Variants in POPDC1 observed in about 807,000 individuals in gnomAD.
The protein encoded by POPDC1 is popeye domain-containing protein 1.
At chr6:105,114,835 T>C in the POPDC1 span, among the ~76,000 whole-genome samples, 2 of 152,214 alleles carry the variant, frequency 1.3e-5, no homozygotes, top group Non-Finnish European at 2.9e-5. Context: ...ACAAGGGTGT[T>C]GAGTGATCTC....
the POPDC1 span, among the ~76,000 whole-genome samples, chr6:105,109,880 A>G: frequency 2.6e-5 from 4 of 151,306 alleles, no homozygotes; most frequent in African/African-American, 9.7e-5. Context: ...GACTAAAATT[A>G]GCTTGGAGGG....
At chr6:105,100,587 T>C in the POPDC1 span, 3 of 148,958 alleles carry the variant, frequency 2.0e-5, no homozygotes, top group East Asian at 5.9e-4. Flanking sequence ...TGTATGTGTG[T>C]GTGTGTGTGT....
At chr6:105,105,639 A>G in the POPDC1 span, among the ~76,000 whole-genome samples, 2 of 152,242 alleles carry the variant, frequency 1.3e-5, no homozygotes, top group African/African-American at 4.8e-5. Context: ...AATTTGTAGT[A>G]AGAACAAGAA....
At chr6:105,115,731 C>A in the POPDC1 span, 1 of 1,614,080 alleles carries the variant, frequency 6.2e-7, no homozygotes, top group African/African-American at 1.3e-5. Flanking sequence ...TGGTGCAAGC[C>A]GTCGTCACTG....
At chr6:105,111,350 T>G in the POPDC1 span, among the ~76,000 whole-genome samples, 1 of 152,204 alleles carries the variant, frequency 6.6e-6, no homozygotes, top group African/African-American at 2.4e-5. Context: ...ATGCATATGT[T>G]TTATACATGA....
chr6:105,120,900 T>G, the POPDC1 span, among the ~76,000 whole-genome samples: 1 of 152,246 alleles, frequency 6.6e-6, no homozygotes, highest in Non-Finnish European at 1.5e-5. Flanking sequence ...AGTGGTCTAT[T>G]CCACTGATGC....
the POPDC1 span, chr6:105,125,534 A>C: frequency 6.2e-7 from 1 of 1,614,118 alleles, no homozygotes; most frequent in African/African-American, 1.3e-5. Context: ...GGAGTGGTTC[A>C]AACAATCGCC....
the POPDC1 span, among the ~76,000 whole-genome samples, chr6:105,112,241 C>T: frequency 6.6e-6 from 1 of 152,074 alleles, no homozygotes. Context: ...TATGCAGAAA[C>T]ACACACACAG....
At chr6:105,125,349 T>C in the POPDC1 span, 185 of 1,601,180 alleles carry the variant, frequency 1.2e-4, no homozygotes, top group Non-Finnish European at 1.5e-4. Context: ...CATGAAAAGA[T>C]TAAAGGTAAA....
At chr6:105,126,239 A>T in the POPDC1 span, among the ~76,000 whole-genome samples, 408 of 151,620 alleles carry the variant, frequency 2.7e-3, 3 homozygotes, top group African/African-American at 9.7e-3. Flanking sequence ...AAAAAAATAA[A>T]AATAAAAATA....
chr6:105,111,723 G>GA, the POPDC1 span, among the ~76,000 whole-genome samples: 1 of 152,180 alleles, frequency 6.6e-6, no homozygotes, highest in South Asian at 2.1e-4. Context: ...ACCTTGCTGT[G>GA]GATTTAGCAT....
At chr6:105,125,311 TCCTCCCATTCACTTCCTTCCCAGAGG>T in the POPDC1 span, 2 of 1,479,574 alleles carry the variant, frequency 1.4e-6, no homozygotes, top group East Asian at 4.5e-5. Context: ...TGGCAACATT[TCCTCCCATTCACTTCCTTCCCAGAGG>T]CCATGAAAAG....
the POPDC1 span, among the ~76,000 whole-genome samples, chr6:105,114,026 C>G: frequency 6.6e-6 from 1 of 151,968 alleles, no homozygotes; most frequent in Non-Finnish European, 1.5e-5. Context: ...GAAAGGTGAT[C>G]TCCCAAAATA....
At chr6:105,118,720 T>C in the POPDC1 span, among the ~76,000 whole-genome samples, 32 of 152,188 alleles carry the variant, frequency 2.1e-4, no homozygotes, top group African/African-American at 6.3e-4. Flanking sequence ...TCACTTTGTA[T>C]ATGTACTTTT....
chr6:105,120,519 G>C, the POPDC1 span, among the ~76,000 whole-genome samples: 1 of 152,224 alleles, frequency 6.6e-6, no homozygotes, highest in African/African-American at 2.4e-5. Flanking sequence ...CATTTCAGTA[G>C]TGCTATGCTT....
At chr6:105,114,095 T>C in the POPDC1 span, among the ~76,000 whole-genome samples, 1 of 152,226 alleles carries the variant, frequency 6.6e-6, no homozygotes, top group East Asian at 1.9e-4. Context: ...GAGAGAATTC[T>C]GTACAAGCCT....
chr6:105,119,702 A>G, the POPDC1 span, among the ~76,000 whole-genome samples: 1 of 152,200 alleles, frequency 6.6e-6, no homozygotes, highest in Non-Finnish European at 1.5e-5. Context: ...AAAAGAGGAG[A>G]TGGAAATCAT....
At chr6:105,102,662 C>A in the POPDC1 span, among the ~76,000 whole-genome samples, 2 of 152,186 alleles carry the variant, frequency 1.3e-5, no homozygotes, top group Non-Finnish European at 2.9e-5. Context: ...TTCTTAGGAT[C>A]TGCTCCATGG....
the POPDC1 span, among the ~76,000 whole-genome samples, chr6:105,105,873 G>T: frequency 6.6e-6 from 1 of 152,132 alleles, no homozygotes; most frequent in Non-Finnish European, 1.5e-5. Flanking sequence ...AATCACTTTT[G>T]TTCTTCAAGG....
Sources: gnomAD v4.1 joint callset for allele counts (sites outside exome capture counted in the v4.1 genomes callset) on GRCh38, gnomAD v4.1.1 for gene constraint, MANE v1.5 for transcripts, NCBI Gene and HGNC (gene_info 2026-07-23, HGNC 2026-07-21) for gene names.